The following NEK7 variants were observed in gnomAD, a reference collection of about 807,000 sequenced individuals.
NEK7 encodes the protein NIMA related kinase 7, also known as serine/threonine-protein kinase Nek7.
In NEK7, 18 loss-of-function variants were observed where a neutral mutation model predicts 44.6. That is an observed-to-expected ratio of 0.40 (90% CI 0.28 to 0.60). The LOEUF is 0.60. NEK7 is among the 20% of genes least tolerant of loss of function. The probability of loss-of-function intolerance (pLI) is 0.38; values close to 1 mark genes in which losing one functional copy is unlikely to be tolerated. For missense variants in NEK7, 256 were observed against 366.5 expected (o/e 0.70, Z 2.46); for synonymous variants, 130 against 121.1 (o/e 1.07, Z -0.48).
chr1:198,260,770 T>A (rs1289039531), intron 3 of NEK7, among the ~76,000 whole-genome samples: 1 of 152,070 alleles, frequency 6.6e-6, no homozygotes, highest in Non-Finnish European at 1.5e-5. Context: ...TCATTAGAAG[T>A]AGTAGAACCA....
At chr1:198,240,606 A>G (rs1225895742) in intron 2 of NEK7, among the ~76,000 whole-genome samples, 2 of 152,064 alleles carry the variant, frequency 1.3e-5, no homozygotes, top group Non-Finnish European at 2.9e-5. Context: ...TTTAGACCCA[A>G]GTGTTTACTT....
chr1:198,238,681 C>T (rs1666604682), intron 2 of NEK7, among the ~76,000 whole-genome samples: 1 of 152,206 alleles, frequency 6.6e-6, no homozygotes, highest in African/African-American at 2.4e-5. Flanking sequence ...GAGGCTCCGA[C>T]TAATTAACTA....
chr1:198,266,659 A>G (rs552202958), intron 5 of NEK7, among the ~76,000 whole-genome samples: 35 of 152,208 alleles, frequency 2.3e-4, no homozygotes, highest in African/African-American at 7.2e-4. Context: ...TTTCTACATC[A>G]ATAAAATTGG....
At chr1:198,197,864 T>G in intron 1 of NEK7, 2 of 964,448 alleles carry the variant, frequency 2.1e-6, no homozygotes, top group Non-Finnish European at 3.3e-6. Context: ...TTTCTTCATT[T>G]TCATCTGCAT....
chr1:198,267,498 T>C (rs528178971), intron 5 of NEK7, among the ~76,000 whole-genome samples: 51 of 152,140 alleles, frequency 3.4e-4, no homozygotes, highest in African/African-American at 1.2e-3. Flanking sequence ...GGGTGGAATG[T>C]AGTGGTGCGA....
intron 5 of NEK7, among the ~76,000 whole-genome samples, chr1:198,274,136 G>A (rs1308676369): frequency 6.6e-6 from 1 of 150,922 alleles, no homozygotes; most frequent in African/African-American, 2.4e-5. Flanking sequence ...TGGAAGAAAT[G>A]GAGAGCAGCT....
chr1:198,288,960 C>A (rs1220464435), intron 7 of NEK7, among the ~76,000 whole-genome samples: 1 of 152,116 alleles, frequency 6.6e-6, no homozygotes, highest in East Asian at 1.9e-4. Context: ...TTATAAATGT[C>A]TTTTGCAGAA....
rs546091562 is a variant in NEK7 at position 198,318,264 on chromosome 1, T to G, written c.799-1148T>G. Among the ~76,000 whole-genome samples the G allele has an allele frequency of 1.1e-3, 170 of 152,246 alleles. 1 individual carries two copies. The highest frequency in any genetic ancestry group is 0.01 in the Middle Eastern group (3 of 294). The stretch of plus-strand genomic sequence containing the variant: ...TACCCAAGGGCACAGAGCTACAAAG[T>G]GCCTTCAACAAGACTGGTTTCCATT... On this transcript the variant is annotated intron_variant, in intron 9 of 9. Transcript: ENST00000367385.
intron 1 of NEK7, among the ~76,000 whole-genome samples, chr1:198,182,795 A>C (rs1664807094): frequency 1.3e-5 from 2 of 152,148 alleles, no homozygotes; most frequent in Admixed American, 1.3e-4. Flanking sequence ...TGGGAAAAAA[A>C]ACTGTGTTGG....
intron 1 of NEK7, among the ~76,000 whole-genome samples, chr1:198,178,640 A>G (rs532844647): frequency 1.3e-5 from 2 of 152,142 alleles, no homozygotes; most frequent in Non-Finnish European, 2.9e-5. Flanking sequence ...TATTTTGCCC[A>G]GTATTTTGCA....
intron 2 of NEK7, among the ~76,000 whole-genome samples, chr1:198,237,191 G>T (rs950286024): frequency 6.6e-6 from 1 of 152,136 alleles, no homozygotes; most frequent in African/African-American, 2.4e-5. Context: ...TTCTGAGAAG[G>T]TGACACTTAA....
At position 198,273,920 on chromosome 1, in the gene NEK7, T is replaced by C. The variant is rs533811231; in HGVS notation, c.373-4041T>C. On this transcript the variant is annotated intron_variant, in intron 5 of 9. Coordinates refer to ENST00000367385, the MANE Select transcript of NEK7 (RefSeq NM_133494.3). The stretch of plus-strand genomic sequence containing the variant: ...GATCATCTCCAAACTCTGTTTATAA[T>C]AGAGTGAGGAAGCTGAGACCCATCA... 6.6e-5 allele frequency among the ~76,000 whole-genome samples: 10 copies of C among 151,620 alleles called. 1 individual carries two copies. Among genetic ancestry groups the C allele is most frequent in the South Asian group, 4.2e-4 (2 of 4,816 alleles).
At chr1:198,274,168 C>CTTTTTTTTTTTTTTTT (rs1463625751) in intron 5 of NEK7, among the ~76,000 whole-genome samples, 11 of 149,698 alleles carry the variant, frequency 7.3e-5, no homozygotes, top group African/African-American at 1.0e-4. Flanking sequence ...TTCTAGTTCT[C>CTTTTTTTTTTTTTTTT]TTATGACTTC....
chr1:198,169,117 G>A (rs557369739), intron 1 of NEK7, among the ~76,000 whole-genome samples: 2 of 152,224 alleles, frequency 1.3e-5, no homozygotes, highest in East Asian at 3.9e-4. Context: ...CTATGTGTTA[G>A]TTTTTAAAAA....
chr1:198,241,464 G>A (rs1473221301), intron 2 of NEK7, among the ~76,000 whole-genome samples: 1 of 152,188 alleles, frequency 6.6e-6, no homozygotes, highest in Non-Finnish European at 1.5e-5. Flanking sequence ...GGTCAGGGGA[G>A]TACCTGGAAT....
intron 1 of NEK7, among the ~76,000 whole-genome samples, chr1:198,183,273 A>C (rs1664818960): frequency 7.4e-6 from 1 of 134,944 alleles, no homozygotes; most frequent in Admixed American, 8.0e-5. Context: ...TCGGAATACT[A>C]CTACTTCCAC....
intron 7 of NEK7, 57 bp downstream of exon 7, chr1:198,279,118 A>AAGAGGTATACCAATTACATGCCAG: frequency 9.5e-7 from 1 of 1,049,826 alleles, no homozygotes; most frequent in Admixed American, 1.7e-5. Flanking sequence ...ATTAAAAGAT[A>AAGAGGTATACCAATTACATGCCAG]AGAGGTATAC....
At chr1:198,232,921 T>A (rs1438759411) in intron 2 of NEK7, among the ~76,000 whole-genome samples, 3 of 151,950 alleles carry the variant, frequency 2.0e-5, no homozygotes, top group Non-Finnish European at 4.4e-5. Context: ...ATTGCACATA[T>A]TTTTAGGGTG....
At chr1:198,288,512 T>A (rs552054618) in intron 7 of NEK7, among the ~76,000 whole-genome samples, 1 of 152,334 alleles carries the variant, frequency 6.6e-6, no homozygotes, top group South Asian at 2.1e-4. Context: ...TCAGTTATAA[T>A]GAAATAACCA....
Sources: gnomAD v4.1 joint callset for allele counts (sites outside exome capture counted in the v4.1 genomes callset) on GRCh38, gnomAD v4.1.1 for gene constraint, MANE v1.5 for transcripts, NCBI Gene and HGNC (gene_info 2026-07-23, HGNC 2026-07-21) for gene names.